SLC7A8: variants seen among roughly 807,000 people sequenced by gnomAD.
SLC7A8 encodes the protein solute carrier family 7 member 8.
Under a neutral mutation model 51.2 loss-of-function variants are expected in SLC7A8, and 30 were observed. The observed-to-expected ratio is 0.59, with a 90% CI of 0.44 to 0.80. The LOEUF (loss-of-function observed/expected upper bound fraction) is 0.80, where lower values mean the gene tolerates loss of function less well. Ranked by LOEUF, SLC7A8 falls within the 30% of genes least tolerant of loss-of-function variation. The pLI, the probability that SLC7A8 is intolerant of heterozygous loss-of-function variation, is 0.00. For missense variants in SLC7A8, 612 were observed against 674.4 expected (o/e 0.91, Z 1.03); for synonymous variants, 257 against 275.8 (o/e 0.93, Z 0.67).
rs747979311 is a variant in SLC7A8 at position 23,182,935 on chromosome 14, C to T, written c.-21G>A. 6.2e-7 allele frequency: 1 copy of T among 1,613,988 alleles called. No individual in the cohort carries two copies. The highest frequency in any genetic ancestry group is 8.5e-7 in the Non-Finnish European group (1 of 1,179,976). ...TCCATCCTTCTCAGTAGGATTGCAACCTCAAAAGCTGCCTCCCTTTCTAAA... is the reference window on the plus strand; with the variant it reads ...TCCATCCTTCTCAGTAGGATTGCAATCTCAAAAGCTGCCTCCCTTTCTAAA... On this transcript the variant is annotated 5_prime_UTR_variant, in exon 1 of 11. Transcript: ENST00000316902.
chr14:23,172,920 T>C (rs1308127246), intron 1 of SLC7A8, among the ~76,000 whole-genome samples: 1 of 152,194 alleles, frequency 6.6e-6, no homozygotes, highest in Non-Finnish European at 1.5e-5. Context: ...TGATTTTTTT[T>C]TTTAAAGCTA....
At chr14:23,156,249 C>G (rs1287480825) in intron 3 of SLC7A8, 1 of 152,162 alleles carries the variant, frequency 6.6e-6, no homozygotes, top group Non-Finnish European at 1.5e-5. Flanking sequence ...CCGCCCTCCT[C>G]GGCCTCCCAA....
intron 3 of SLC7A8, chr14:23,154,521 T>G (rs949008741): frequency 1.0e-6 from 1 of 972,874 alleles, no homozygotes. Context: ...ACTGAGCACG[T>G]GTTTCTAATT....
intron 3 of SLC7A8, among the ~76,000 whole-genome samples, chr14:23,164,390 G>A (rs187933227): frequency 6.6e-6 from 1 of 152,328 alleles, no homozygotes; most frequent in African/African-American, 2.4e-5. Flanking sequence ...AAGAAATCAG[G>A]AGCCCTTGCA....
intron 10 of SLC7A8, 126 bp downstream of exon 10, chr14:23,127,893 G>T: frequency 1.2e-6 from 1 of 801,460 alleles, no homozygotes; most frequent in Non-Finnish European, 2.0e-6. Context: ...ACTCTTCCAG[G>T]GCTCTGTGGA....
Position 23,165,488 on chromosome 14 carries a change from A to T in SLC7A8, c.357-52T>A. ...AAAGGCATGGCAGGGACGCAGAGCC[A>T]TCAGGGGAGAGCCCGGGCAAGTCAT... On this transcript the variant is annotated intron_variant, in intron 2 of 10. Coordinates refer to ENST00000316902, the MANE Select transcript of SLC7A8 (RefSeq NM_012244.4). This position sits in a 1 kb window ranked among gnomAD's most constrained non-coding sequence, Gnocchi z 4.2. The T allele has an allele frequency of 3.3e-6, 5 of 1,536,390 alleles. No homozygotes were observed. Among genetic ancestry groups the T allele is most frequent in the Non-Finnish European group, 4.3e-6 (5 of 1,150,158 alleles).
intron 1 of SLC7A8, among the ~76,000 whole-genome samples, chr14:23,168,884 A>T (rs771583762): frequency 6.6e-6 from 1 of 152,212 alleles, no homozygotes; most frequent in Non-Finnish European, 1.5e-5. Flanking sequence ...ATGCAACACT[A>T]ACTGCCCACT....
chr14:23,156,134 G>A (rs2048891390), intron 3 of SLC7A8, among the ~76,000 whole-genome samples: 1 of 151,998 alleles, frequency 6.6e-6, no homozygotes, highest in African/African-American at 2.4e-5. Flanking sequence ...GAGTAGCTGG[G>A]ATTACAGGCA....
intron 7 of SLC7A8, among the ~76,000 whole-genome samples, chr14:23,132,674 T>C (rs975779922): frequency 5.9e-5 from 9 of 151,758 alleles, no homozygotes; most frequent in African/African-American, 1.7e-4. Flanking sequence ...TCACTCTTGT[T>C]GCCCAGGCTG....
intron 7 of SLC7A8, 141 bp downstream of exon 7, chr14:23,137,780 T>C: frequency 9.8e-7 from 1 of 1,018,476 alleles, no homozygotes. Context: ...CACGCCCTCA[T>C]GTGAGCAGTC....
At chr14:23,137,825 C>T (rs2048704524) in intron 7 of SLC7A8, 96 bp downstream of exon 7, 3 of 1,488,064 alleles carry the variant, frequency 2.0e-6, no homozygotes, top group Non-Finnish European at 2.7e-6. Context: ...GATGCCCACA[C>T]AGACCCCTGC....
intron 7 of SLC7A8, among the ~76,000 whole-genome samples, chr14:23,136,047 A>G (rs1408430275): frequency 6.6e-6 from 1 of 152,178 alleles, no homozygotes; most frequent in Non-Finnish European, 1.5e-5. Flanking sequence ...GTACAGCTTG[A>G]TAGGAACAAA....
At chr14:23,138,248 A>G (rs998780951) in intron 6 of SLC7A8, 1 of 531,990 alleles carries the variant, frequency 1.9e-6, no homozygotes, top group Non-Finnish European at 3.4e-6. Context: ...CACTGGTAAT[A>G]ATAATAATGA....
intron 1 of SLC7A8, among the ~76,000 whole-genome samples, chr14:23,177,005 T>G (rs1461032315): frequency 6.7e-6 from 1 of 150,212 alleles, no homozygotes; most frequent in Non-Finnish European, 1.5e-5. Flanking sequence ...TTTTAAAAAA[T>G]CATGTTAGTT....
At chr14:23,143,472 G>C (rs1001270378) in intron 3 of SLC7A8, among the ~76,000 whole-genome samples, 4 of 152,270 alleles carry the variant, frequency 2.6e-5, no homozygotes, top group Non-Finnish European at 5.9e-5. Context: ...GTAGGCACTG[G>C]CTTTGGGGGT....
intron 7 of SLC7A8, among the ~76,000 whole-genome samples, chr14:23,137,327 T>C (rs955069369): frequency 1.3e-5 from 2 of 152,172 alleles, no homozygotes; most frequent in Admixed American, 6.5e-5. Flanking sequence ...ACCCTCTCAC[T>C]TCACATTCTC....
intron 3 of SLC7A8, among the ~76,000 whole-genome samples, chr14:23,150,024 G>C (rs1343032334): frequency 6.6e-6 from 1 of 152,132 alleles, no homozygotes; most frequent in Non-Finnish European, 1.5e-5. Flanking sequence ...ATCATCTAAG[G>C]ATACATTTCT....
intron 1 of SLC7A8, among the ~76,000 whole-genome samples, 166 bp from the exon 2 acceptor site, chr14:23,166,706 G>C (rs1255639624): frequency 6.6e-6 from 1 of 152,172 alleles, no homozygotes; most frequent in African/African-American, 2.4e-5. Flanking sequence ...CCTGAAGTAG[G>C]GGAAAGAGGA....
At chr14:23,142,661 C>A (rs1304622883) in intron 4 of SLC7A8, among the ~76,000 whole-genome samples, 1 of 151,988 alleles carries the variant, frequency 6.6e-6, no homozygotes. Context: ...CCACCATGCC[C>A]CATTAATTTT....
Sources: gnomAD v4.1 joint callset for allele counts (sites outside exome capture counted in the v4.1 genomes callset) on GRCh38, gnomAD v4.1.1 for gene constraint, Gnocchi (gnomAD v3.1) non-coding constraint, MANE v1.5 for transcripts, NCBI Gene and HGNC (gene_info 2026-07-23, HGNC 2026-07-21) for gene names.